The following RALYL variants were observed in gnomAD, a reference collection of about 807,000 sequenced individuals.
The protein encoded by RALYL is RNA-binding Raly-like protein.
Under a neutral mutation model 35.1 loss-of-function variants are expected in RALYL, and 29 were observed. The ratio of observed to expected loss-of-function variants is 0.83; its 90% CI spans 0.61 to 1.13. RALYL has a LOEUF of 1.13. RALYL is among the 50% of genes most tolerant of loss of function. RALYL has a pLI of 0.00. For missense variants in RALYL, 359 were observed against 360.4 expected, an observed-to-expected ratio of 1.00 and a Z score of 0.03; for synonymous variants, 120 against 127.6, an observed-to-expected ratio of 0.94 and a Z score of 0.40.
In RALYL at chr8:84,257,165, AT is replaced by A. The variant is rs571991018; in HGVS notation, c.-24+72749del. On this transcript the variant is annotated intron_variant, in intron 1 of 8. Transcript: ENST00000521268. ...GAGTATAAACTTTGGAGAATTCGAG[AT>A]TTTTTTTAAAGTTAATTTTTTTACA... is the stretch of plus-strand genomic sequence containing the variant. Among the ~76,000 whole-genome samples the A allele has an allele frequency of 2.8e-3, 423 of 151,770 alleles. 2 individuals carry two copies. Among genetic ancestry groups the A allele is most frequent in the African/African-American group, 9.6e-3 (397 of 41,424 alleles).
At chr8:84,900,414 C>A (rs545314671) in intron 8 of RALYL, among the ~76,000 whole-genome samples, 4 of 152,214 alleles carry the variant, frequency 2.6e-5, no homozygotes, top group African/African-American at 7.2e-5. Context: ...CGGTGGCTCA[C>A]GTCTGTAATT....
At chr8:84,222,166 A>G (rs1822391070) in intron 1 of RALYL, among the ~76,000 whole-genome samples, 1 of 152,140 alleles carries the variant, frequency 6.6e-6, no homozygotes, top group African/African-American at 2.4e-5. Flanking sequence ...ATGCAGAGGT[A>G]AATTACTATT....
intron 2 of RALYL, among the ~76,000 whole-genome samples, chr8:84,580,007 G>A (rs144491130): frequency 1.3e-5 from 2 of 151,976 alleles, no homozygotes; most frequent in Non-Finnish European, 2.9e-5. Context: ...CACTTCAATG[G>A]TTAATTAATG....
chr8:84,683,290 G>C (rs982096508), intron 2 of RALYL, among the ~76,000 whole-genome samples: 2 of 152,138 alleles, frequency 1.3e-5, no homozygotes, highest in Admixed American at 1.3e-4. Context: ...AATAGGTGTG[G>C]TGTGGTGCTG....
At chr8:84,345,969 A>G (rs922375064) in intron 1 of RALYL, 6 of 557,540 alleles carry the variant, frequency 1.1e-5, no homozygotes, top group African/African-American at 2.0e-5. Flanking sequence ...CCTTCACTCA[A>G]CCCTCCAATC....
chr8:84,200,162 G>C (rs2130992142), intron 1 of RALYL, among the ~76,000 whole-genome samples: 1 of 152,256 alleles, frequency 6.6e-6, no homozygotes, highest in Middle Eastern at 3.4e-3. Context: ...TGTAGCATGA[G>C]ATTCTAATGG....
intron 1 of RALYL, among the ~76,000 whole-genome samples, chr8:84,461,672 ACTT>A (rs2050786501): frequency 6.6e-6 from 1 of 151,754 alleles, no homozygotes; most frequent in African/African-American, 2.4e-5. Flanking sequence ...AGAATGTTAT[ACTT>A]CTTCATGGCA....
intron 2 of RALYL, among the ~76,000 whole-genome samples, chr8:84,563,729 A>T (rs1266270374): frequency 6.6e-6 from 1 of 151,680 alleles, no homozygotes; most frequent in African/African-American, 2.4e-5. Flanking sequence ...CCTGTTATTC[A>T]CTTTTACGTT....
intron 2 of RALYL, among the ~76,000 whole-genome samples, chr8:84,682,164 C>A (rs1835682478): frequency 6.6e-6 from 1 of 152,142 alleles, no homozygotes. Flanking sequence ...GTGTGTTGAA[C>A]CAGCCTTGCA....
At chr8:84,920,224 A>G (rs1849109193) in intron 8 of RALYL, among the ~76,000 whole-genome samples, 1 of 152,118 alleles carries the variant, frequency 6.6e-6, no homozygotes, top group African/African-American at 2.4e-5. Flanking sequence ...TCTAAATATA[A>G]AGACCTGGAA....
At chr8:84,702,487 A>T (rs1240592382) in intron 2 of RALYL, among the ~76,000 whole-genome samples, 1 of 152,014 alleles carries the variant, frequency 6.6e-6, no homozygotes, top group African/African-American at 2.4e-5. Context: ...ATTATGTGAC[A>T]TAATGTATAT....
intron 1 of RALYL, among the ~76,000 whole-genome samples, chr8:84,296,974 G>C (rs186145202): frequency 3.8e-4 from 58 of 151,702 alleles, no homozygotes; most frequent in Admixed American, 8.6e-4. Flanking sequence ...CAGATGAGTT[G>C]GTCCTGGAAG....
At chr8:84,787,139 C>T (rs540604630) in intron 3 of RALYL, among the ~76,000 whole-genome samples, 36 of 152,068 alleles carry the variant, frequency 2.4e-4, no homozygotes, top group South Asian at 1.7e-3. Context: ...AGGTATTTCT[C>T]CTAATGCAAT....
intron 1 of RALYL, among the ~76,000 whole-genome samples, chr8:84,248,869 A>G (rs947840901): frequency 2.0e-5 from 3 of 152,120 alleles, no homozygotes; most frequent in Admixed American, 6.6e-5. Context: ...AAAATCAACA[A>G]AGTCTTCAGA....
chr8:84,755,457 G>A (rs1811158072), intron 2 of RALYL, among the ~76,000 whole-genome samples: 1 of 152,108 alleles, frequency 6.6e-6, no homozygotes, highest in South Asian at 2.1e-4. Flanking sequence ...CTGTATCACT[G>A]TACCCACATA....
At chr8:84,607,598 T>C (rs1224803323) in intron 2 of RALYL, among the ~76,000 whole-genome samples, 2 of 152,072 alleles carry the variant, frequency 1.3e-5, no homozygotes, top group Admixed American at 1.3e-4. Context: ...CTCTTAACCA[T>C]TAGGAAACTG....
intron 2 of RALYL, among the ~76,000 whole-genome samples, chr8:84,621,156 C>A (rs183964482): frequency 0.01 from 1,593 of 152,150 alleles, 33 homozygotes; most frequent in African/African-American, 0.035. Context: ...TACCTAAGCA[C>A]GCCTGGGCAA....
chr8:84,706,121 C>T, intron 2 of RALYL: 1 of 1,442,838 alleles, frequency 6.9e-7, no homozygotes, highest in Non-Finnish European at 9.4e-7. Flanking sequence ...TACTTGATTT[C>T]TTAAAAGACT....
At chr8:84,339,565 A>G (rs1848410456) in intron 1 of RALYL, among the ~76,000 whole-genome samples, 1 of 151,958 alleles carries the variant, frequency 6.6e-6, no homozygotes, top group Middle Eastern at 3.4e-3. Flanking sequence ...ATTTTATTAT[A>G]TATTACAATG....
Sources: allele counts gnomAD v4.1 joint callset (sites outside exome capture counted in the v4.1 genomes callset), GRCh38; gene constraint gnomAD v4.1.1; transcripts MANE v1.5; gene names NCBI Gene and HGNC (gene_info 2026-07-23, HGNC 2026-07-21).